Variants in RBMS1 observed in about 807,000 individuals in gnomAD.
RBMS1 encodes the protein RNA binding motif single stranded interacting protein 1.
In RBMS1, 17 loss-of-function variants were observed where a neutral mutation model predicts 62.3. The observed-to-expected ratio is 0.27, with a 90% confidence interval of 0.19 to 0.41. The LOEUF (loss-of-function observed/expected upper bound fraction) is 0.41. Among genes scored for constraint, RBMS1 ranks in the 10% least tolerant of loss-of-function variants. The probability of loss-of-function intolerance (pLI) is 1.00; values close to 1 mark genes in which losing one functional copy is unlikely to be tolerated. For missense variants in RBMS1, 334 were observed against 504.5 expected (o/e 0.66, Z 3.24); for synonymous variants, 172 against 170.0 (o/e 1.01, Z -0.09).
chr2:160,479,762 C>T (rs947843671), intron 1 of RBMS1, among the ~76,000 whole-genome samples: 4 of 152,134 alleles, frequency 2.6e-5, no homozygotes, highest in African/African-American at 9.7e-5. Context: ...CTTAAAGTTC[C>T]TTCCCATTCT....
chr2:160,367,403 A>G lies in RBMS1; in HGVS notation c.76-12T>C, dbSNP rs536368093. ...GGGACCAGAGACTGCTGGAAAACAA[A>G]GATCAGGAGCCTTAGTATGCTAGCA... On this transcript the variant is annotated splice_polypyrimidine_tract_variant and intron_variant, in intron 1 of 13. Transcript: ENST00000348849. The G allele has an allele frequency of 3.2e-5, 51 of 1,614,078 alleles. No homozygotes were observed. Among genetic ancestry groups the G allele is most frequent in the Non-Finnish European group, 4.2e-5 (49 of 1,179,954 alleles).
intron 6 of RBMS1, among the ~76,000 whole-genome samples, chr2:160,299,620 G>A (rs999354013): frequency 1.3e-5 from 2 of 152,202 alleles, no homozygotes; most frequent in African/African-American, 2.4e-5. Context: ...GGACAGCTTC[G>A]AAACCCTTGT....
intron 1 of RBMS1, among the ~76,000 whole-genome samples, chr2:160,405,545 A>G (rs1695656114): frequency 6.6e-6 from 1 of 152,184 alleles, no homozygotes; most frequent in Non-Finnish European, 1.5e-5. Context: ...AATACTAACA[A>G]AAGAAACCTT....
intron 6 of RBMS1, among the ~76,000 whole-genome samples, chr2:160,291,182 G>A (rs1688661596): frequency 1.3e-5 from 2 of 152,202 alleles, no homozygotes; most frequent in Admixed American, 1.3e-4. Flanking sequence ...AGGTTCTAAC[G>A]AAGGTCTTCT....
chr2:160,280,339 A>G (rs1688040292), intron 10 of RBMS1, among the ~76,000 whole-genome samples: 1 of 152,204 alleles, frequency 6.6e-6, no homozygotes, highest in African/African-American at 2.4e-5. Context: ...GTATACATAT[A>G]TCAGAGCGCG....
At chr2:160,313,954 A>T (rs1559366155) in intron 3 of RBMS1, among the ~76,000 whole-genome samples, 1 of 152,202 alleles carries the variant, frequency 6.6e-6, no homozygotes, top group Non-Finnish European at 1.5e-5. Context: ...GCTCTGGTTC[A>T]AAGTTTCCTT....
At position 160,307,559 on chromosome 2, in the gene RBMS1, G is replaced by A. The variant is rs571427121; in HGVS notation, c.403-4072C>T. ...TTTCTTTTCCTTTTATAGAATGTGA[G>A]TCTTTTATTTGAAAGATGTACACAT... On this transcript the variant is annotated intron_variant, in intron 4 of 13. Coordinates refer to ENST00000348849, the MANE Select transcript of RBMS1 (RefSeq NM_016836.4). Among the ~76,000 whole-genome samples, 5 of 152,226 alleles carry A rather than the reference G, an allele frequency of 3.3e-5. No homozygotes were observed. In the South Asian group the frequency reaches 6.2e-4, roughly 19 times the overall value.
At chr2:160,276,699 C>CTT (rs1687851129) in intron 12 of RBMS1, 1 of 152,200 alleles carries the variant, frequency 6.6e-6, no homozygotes, top group Non-Finnish European at 1.5e-5. Context: ...TTCAAAACAG[C>CTT]TTTCTCTTTT....
At chr2:160,283,241 G>A (rs892529672) in intron 9 of RBMS1, 4 of 152,164 alleles carry the variant, frequency 2.6e-5, no homozygotes, top group African/African-American at 9.7e-5. Flanking sequence ...TATTTTCAGT[G>A]ACATATAAAT....
At chr2:160,328,922 C>T (rs748921497) in intron 2 of RBMS1, among the ~76,000 whole-genome samples, 1 of 152,118 alleles carries the variant, frequency 6.6e-6, no homozygotes, top group African/African-American at 2.4e-5. Flanking sequence ...ACAAGAACAG[C>T]ATGACAGACA....
intron 6 of RBMS1, among the ~76,000 whole-genome samples, chr2:160,289,377 G>C (rs1403175371): frequency 2.0e-5 from 3 of 152,180 alleles, no homozygotes; most frequent in Non-Finnish European, 4.4e-5. Context: ...AGGAAAACAA[G>C]CTTTTTAAGA....
chr2:160,379,773 TAAAGC>T, intron 1 of RBMS1, among the ~76,000 whole-genome samples: 1 of 152,234 alleles, frequency 6.6e-6, no homozygotes, highest in Admixed American at 6.5e-5. Context: ...AAGCTAATCA[TAAAGC>T]ATCATTTCAT....
chr2:160,323,085 A>G (rs1318540765), intron 2 of RBMS1, among the ~76,000 whole-genome samples: 3 of 152,098 alleles, frequency 2.0e-5, no homozygotes, highest in African/African-American at 4.8e-5. Flanking sequence ...TCAATCACCA[A>G]TGCCTGTAAG....
intron 7 of RBMS1, among the ~76,000 whole-genome samples, chr2:160,286,509 G>A (rs1248748645): frequency 1.3e-5 from 2 of 151,788 alleles, no homozygotes; most frequent in South Asian, 2.1e-4. Context: ...TAGTAGAGAC[G>A]GGGTTTCGCC....
intron 9 of RBMS1, 197 bp downstream of exon 9, chr2:160,284,578 T>C (rs980852996): frequency 1.8e-5 from 10 of 566,440 alleles, no homozygotes; most frequent in African/African-American, 1.7e-4. Flanking sequence ...TGACAAACAT[T>C]TTCCTTTGCT....
intron 1 of RBMS1, among the ~76,000 whole-genome samples, chr2:160,368,882 C>T (rs763896302): frequency 4.6e-5 from 7 of 152,156 alleles, no homozygotes; most frequent in South Asian, 4.1e-4. Flanking sequence ...TCAGGTGATC[C>T]GCTCAACTCG....
intron 6 of RBMS1, among the ~76,000 whole-genome samples, chr2:160,299,217 T>C (rs1689089671): frequency 6.6e-6 from 1 of 152,224 alleles, no homozygotes; most frequent in Non-Finnish European, 1.5e-5. Context: ...ACTACACTTT[T>C]AAATGTTGAC....
At chr2:160,322,205 C>T (rs952817959) in intron 2 of RBMS1, among the ~76,000 whole-genome samples, 2 of 152,130 alleles carry the variant, frequency 1.3e-5, no homozygotes, top group African/African-American at 2.4e-5. Context: ...AAAGCTCATA[C>T]AAGTTTTGAG....
rs1402284063 is a variant in RBMS1, at chr2:160,439,921, G to A, written c.75+53368C>T. Reference sequence around the variant, plus strand: ...AATACGAAAACCAGTCAGGCGTGGCGGCGCGCGCCTGCAATCGCAGGCACT... The same window carrying A: ...AATACGAAAACCAGTCAGGCGTGGCAGCGCGCGCCTGCAATCGCAGGCACT... On this transcript the variant is annotated intron_variant, in intron 1 of 13. Coordinates refer to ENST00000348849, the MANE Select transcript of RBMS1 (RefSeq NM_016836.4). 6.6e-5 allele frequency among the ~76,000 whole-genome samples: 10 copies of A among 151,996 alleles called. No homozygotes were observed. In the South Asian group the frequency reaches 8.3e-4, roughly 13 times the overall value.
Sources: gnomAD v4.1 joint callset for allele counts (sites outside exome capture counted in the v4.1 genomes callset) on GRCh38, gnomAD v4.1.1 for gene constraint, MANE v1.5 for transcripts, NCBI Gene and HGNC (gene_info 2026-07-23, HGNC 2026-07-21) for gene names.